TRAK1: variants seen among roughly 807,000 people sequenced by gnomAD.
TRAK1 encodes the protein trafficking kinesin protein 1, also known as trafficking kinesin-binding protein 1.
Under a neutral mutation model 92.1 loss-of-function variants are expected in TRAK1, and 33 were observed. That is an observed-to-expected ratio of 0.36 (90% CI 0.27 to 0.48). The LOEUF (loss-of-function observed/expected upper bound fraction) is 0.48. Ranked by LOEUF, TRAK1 falls within the 20% of genes least tolerant of loss-of-function variation. The pLI is 0.99. For missense variants in TRAK1, 1,123 were observed against 1,257.9 expected (o/e 0.89, Z 1.62); for synonymous variants, 521 against 517.3 (o/e 1.01, Z -0.10).
chr3:42,129,108 A>G (rs954472293), intron 2 of TRAK1, among the ~76,000 whole-genome samples: 1 of 152,228 alleles, frequency 6.6e-6, no homozygotes, highest in Non-Finnish European at 1.5e-5. Flanking sequence ...GCCTTGCCAA[A>G]CTGGCAGAGC....
rs191123287 is a variant in TRAK1, at chr3:42,028,040, G to A, written c.-519+13923G>A. ...GATTTTTTGTATTTTTAGTAGAGAC[G>A]GGGTTTCATCATGTTGGCCAGGCTG... On this transcript the variant is annotated intron_variant, in intron 1 of 16. Coordinates refer to the TRAK1 transcript ENST00000487159. 1.3e-3 allele frequency among the ~76,000 whole-genome samples: 203 copies of A among 152,162 alleles called. 1 individual carries two copies. Among genetic ancestry groups the A allele is most frequent in the Middle Eastern group, 6.8e-3 (2 of 294 alleles).
chr3:42,047,225 T>TA lies in TRAK1; in HGVS notation c.-519+33111dup, dbSNP rs1220153424. Among the ~76,000 whole-genome samples, 767 of 133,284 alleles carry TA rather than the reference T, an allele frequency of 5.8e-3. 41 individuals carry two copies. In the East Asian group the frequency reaches 0.11, roughly 20 times the overall value. The allele number at this position is 133,284 out of a possible 152,430, so 87.4% of individuals were successfully genotyped here. A position where few individuals can be genotyped will look rare whatever the true frequency, so the allele number is the denominator to read the frequency against. On this transcript the variant is annotated intron_variant, in intron 1 of 16. Coordinates refer to the TRAK1 transcript ENST00000487159. ...CTTTTTTTTTTTTTTTTTTTTTTTT[T>TA]AAATCTGTCGCCCAGGCTGGATTGT...
At chr3:42,203,494 C>CTT (rs34602604) in intron 13 of TRAK1, 19 of 946,724 alleles carry the variant, frequency 2.0e-5, no homozygotes, top group South Asian at 5.0e-5. Context: ...CCTCCTGCCT[C>CTT]TTTTTTTTTT....
At chr3:42,063,205 C>T (rs1438926600) in intron 1 of TRAK1, among the ~76,000 whole-genome samples, 5 of 152,248 alleles carry the variant, frequency 3.3e-5, no homozygotes, top group Admixed American at 2.0e-4. Flanking sequence ...GCTACAACTG[C>T]GGAATTGCAA....
At chr3:42,104,648 G>A (rs1022561867) in intron 1 of TRAK1, among the ~76,000 whole-genome samples, 1 of 152,198 alleles carries the variant, frequency 6.6e-6, no homozygotes, top group Admixed American at 6.5e-5. Context: ...CTGTTAGAAG[G>A]AAAACTAACA....
intron 2 of TRAK1, among the ~76,000 whole-genome samples, chr3:42,164,620 C>A (rs1701650493): frequency 6.6e-6 from 1 of 152,178 alleles, no homozygotes; most frequent in African/African-American, 2.4e-5. Flanking sequence ...TCCTCTTATC[C>A]CATGAGGTGG....
intron 2 of TRAK1, among the ~76,000 whole-genome samples, chr3:42,143,503 G>T (rs1021836013): frequency 1.3e-5 from 2 of 152,114 alleles, no homozygotes; most frequent in Non-Finnish European, 2.9e-5. Context: ...CACAATGAGG[G>T]AGCCATTAGG....
chr3:42,205,476 T>C (rs1238972696), intron 13 of TRAK1, among the ~76,000 whole-genome samples: 2 of 152,178 alleles, frequency 1.3e-5, no homozygotes, highest in South Asian at 4.1e-4. Flanking sequence ...TGTTTAAGAG[T>C]GCTAGCACTT....
intron 1 of TRAK1, among the ~76,000 whole-genome samples, chr3:42,105,007 A>G (rs1038523568): frequency 2.7e-5 from 4 of 149,062 alleles, no homozygotes; most frequent in African/African-American, 9.9e-5. Flanking sequence ...GCTGGAGTGC[A>G]ATGGCTCGGT....
chr3:42,018,234 C>CTCTAG (rs1398514388), intron 1 of TRAK1, among the ~76,000 whole-genome samples: 1 of 150,604 alleles, frequency 6.6e-6, no homozygotes, highest in Non-Finnish European at 1.5e-5. Flanking sequence ...CACCATTGTA[C>CTCTAG]TCTAGCCTAG....
rs534348655 is a variant in TRAK1, at chr3:42,199,372, C to CGGAA, written c.1190+119_1190+120insGGAA. The CGGAA allele has an allele frequency of 3.1e-4, 292 of 929,846 alleles. 2 individuals are homozygous for CGGAA. In the African/African-American group the frequency reaches 3.7e-3, roughly 12 times the overall value. The allele number at this position is 929,846 out of a possible 1,614,324, so 57.6% of individuals were successfully genotyped here. On this transcript the variant is annotated intron_variant, in intron 11 of 15. Transcript: ENST00000327628. ...CGACAGTGATTGACTATTGTCCTTC[C>CGGAA]CAGTCCAGATTAAGGGAAATAATAG... is the stretch of plus-strand genomic sequence containing the variant.
At chr3:42,173,645 T>A (rs761727179) in intron 2 of TRAK1, among the ~76,000 whole-genome samples, 2 of 152,184 alleles carry the variant, frequency 1.3e-5, no homozygotes. Flanking sequence ...TCCTTTATGG[T>A]CTTCCGTTTT....
At chr3:42,028,938 A>C (rs1702014160) in intron 1 of TRAK1, among the ~76,000 whole-genome samples, 1 of 152,182 alleles carries the variant, frequency 6.6e-6, no homozygotes, top group Admixed American at 6.5e-5. Context: ...GGTAATTTAC[A>C]AAGAAAAGGT....
intron 1 of TRAK1, among the ~76,000 whole-genome samples, chr3:42,027,469 G>C (rs542382396): frequency 6.6e-6 from 1 of 151,716 alleles, no homozygotes; most frequent in East Asian, 1.9e-4. Flanking sequence ...CTTGCAGTGA[G>C]CCCAGATCAC....
chr3:42,180,677 C>CAAAAA (rs33959095), intron 3 of TRAK1, among the ~76,000 whole-genome samples: 3 of 87,104 alleles, frequency 3.4e-5, no homozygotes, highest in Non-Finnish European at 6.7e-5. Flanking sequence ...AGACCTGTCT[C>CAAAAA]AAAAAAAAAA....
At chr3:42,148,278 A>C (rs1699566274) in intron 2 of TRAK1, among the ~76,000 whole-genome samples, 1 of 152,166 alleles carries the variant, frequency 6.6e-6, no homozygotes. Context: ...GCTGTTAAAC[A>C]TCCTGCGATG....
chr3:42,131,617 C>T (rs1697201875), intron 2 of TRAK1, among the ~76,000 whole-genome samples: 1 of 151,778 alleles, frequency 6.6e-6, no homozygotes, highest in Non-Finnish European at 1.5e-5. Context: ...ACTTGGGAGG[C>T]TGAGACAGGA....
At chr3:42,095,119 A>C (rs1249419536) in intron 1 of TRAK1, among the ~76,000 whole-genome samples, 1 of 152,224 alleles carries the variant, frequency 6.6e-6, no homozygotes, top group Non-Finnish European at 1.5e-5. Flanking sequence ...TGGCCCAGTC[A>C]AGGAGACACA....
chr3:42,156,183 C>CT (rs1700512970), intron 2 of TRAK1, among the ~76,000 whole-genome samples: 1 of 152,236 alleles, frequency 6.6e-6, no homozygotes, highest in African/African-American at 2.4e-5. Flanking sequence ...TCTTGCCGGT[C>CT]TTTGGGGGTT....
Sources: allele counts gnomAD v4.1 joint callset (sites outside exome capture counted in the v4.1 genomes callset), GRCh38; gene constraint gnomAD v4.1.1; transcripts MANE v1.5; gene names NCBI Gene and HGNC (gene_info 2026-07-23, HGNC 2026-07-21).